Variants in MCHR2 observed in about 807,000 individuals in gnomAD.
The protein encoded by MCHR2 is melanin-concentrating hormone receptor 2.
A neutral mutation model predicts 24.8 loss-of-function variants in MCHR2; 15 were observed. That is an observed-to-expected ratio of 0.60 (90% CI 0.40 to 0.93). MCHR2 has a LOEUF of 0.93. MCHR2 is among the 40% of genes least tolerant of loss of function. The pLI is 0.00. For synonymous variants in MCHR2, 151 were observed against 147.6 expected (o/e 1.02, Z -0.17); for missense variants, 386 against 408.7 (o/e 0.94, Z 0.48).
intron 1 of MCHR2, among the ~76,000 whole-genome samples, chr6:99,974,460 C>T (rs13218192): frequency 0.16 from 24,289 of 152,146 alleles, 2,076 homozygotes; most frequent in African/African-American, 0.19. Context: ...ATCCATTTGC[C>T]TAATTTTTTT....
intron 1 of MCHR2, among the ~76,000 whole-genome samples, chr6:99,980,544 C>T (rs1775646467): frequency 1.9e-5 from 2 of 103,018 alleles, no homozygotes; most frequent in African/African-American, 3.8e-5. Context: ...CATGTGAAAG[C>T]ATATGTGTGT....
At chr6:99,923,090 T>C (rs1027010473) in intron 5 of MCHR2, among the ~76,000 whole-genome samples, 4 of 152,134 alleles carry the variant, frequency 2.6e-5, no homozygotes, top group Non-Finnish European at 4.4e-5. Flanking sequence ...ATAGTTTTCA[T>C]TATAGAGATC....
Position 99,921,057 on chromosome 6 carries a change from GTT to G in MCHR2, c.904_905del (p.Asn302ProfsTer24), listed in dbSNP as rs760259653. The G allele has an allele frequency of 3.1e-6, 5 of 1,614,054 alleles. No individual in the cohort carries two copies. The highest frequency in any genetic ancestry group is 4.2e-6 in the Non-Finnish European group (5 of 1,180,036). On this transcript the variant is annotated frameshift_variant, in exon 6 of 6. Transcript: ENST00000281806. LOFTEE classifies it low-confidence loss of function (END_TRUNC). Reference protein sequence around the residue: ...ICLSYASSSINPFLYILLSGN... With the variant: ...ICLSYASSSIXPFLYILLSGN... The stretch of plus-strand genomic sequence containing the variant: ...CACTCAGCAGGATGTAGAGAAAAGG[GTT>G]AATGCTGCTGCTGGCATAGCTGAGA...
intron 1 of MCHR2, among the ~76,000 whole-genome samples, chr6:99,988,213 G>T (rs895994320): frequency 6.6e-6 from 1 of 152,140 alleles, no homozygotes; most frequent in African/African-American, 2.4e-5. Context: ...GGGAAGACAG[G>T]GTGGTACTTT....
intron 5 of MCHR2, among the ~76,000 whole-genome samples, chr6:99,923,586 G>C (rs1335077380): frequency 6.6e-6 from 1 of 151,580 alleles, no homozygotes; most frequent in African/African-American, 2.4e-5. Flanking sequence ...GTTTTTTTAA[G>C]GTTTTTATCA....
intron 5 of MCHR2, 107 bp from the exon 6 acceptor site, chr6:99,921,362 T>C (rs1316819774): frequency 3.2e-6 from 3 of 923,658 alleles, no homozygotes; most frequent in African/African-American, 1.7e-5. Flanking sequence ...TGTAGTGAAA[T>C]ATGAAGCTCA....
intron 1 of MCHR2, among the ~76,000 whole-genome samples, chr6:99,970,546 G>C (rs1279651074): frequency 1.3e-5 from 2 of 152,098 alleles, no homozygotes; most frequent in Non-Finnish European, 2.9e-5. Flanking sequence ...CTTTTGCTGT[G>C]CAGAAGCTCT....
At chr6:99,938,366 T>C (rs755816675) in intron 4 of MCHR2, among the ~76,000 whole-genome samples, 1 of 152,098 alleles carries the variant, frequency 6.6e-6, no homozygotes, top group Non-Finnish European at 1.5e-5. Flanking sequence ...CTGCTTCTGC[T>C]ATATCCCATA....
intron 3 of MCHR2, among the ~76,000 whole-genome samples, chr6:99,946,033 T>C (rs1054124346): frequency 4.0e-5 from 6 of 151,436 alleles, no homozygotes; most frequent in Admixed American, 6.6e-5. Flanking sequence ...TTTTTTTTTT[T>C]CAAAAAAAGC....
chr6:99,966,132 T>A (rs986450396), intron 1 of MCHR2, among the ~76,000 whole-genome samples: 30 of 152,164 alleles, frequency 2.0e-4, no homozygotes, highest in African/African-American at 7.2e-4. Context: ...TTGAGGAAGA[T>A]GGGAGCTTCA....
intron 1 of MCHR2, among the ~76,000 whole-genome samples, chr6:99,991,192 C>T (rs1775867423): frequency 1.3e-5 from 2 of 151,984 alleles, no homozygotes; most frequent in Admixed American, 1.3e-4. Flanking sequence ...GGGCCCAGGA[C>T]CTCCACAGGA....
rs182956411 is a variant in MCHR2 at position 99,963,012 on chromosome 6, A to T, written c.-27-6838T>A. 2.3e-3 allele frequency among the ~76,000 whole-genome samples: 351 copies of T among 152,212 alleles called. 2 individuals are homozygous for T. Among genetic ancestry groups the T allele is most frequent in the African/African-American group, 8.2e-3 (340 of 41,584 alleles). The stretch of plus-strand genomic sequence containing the variant: ...ATATGAAAAGATGCTCAATGTCACT[A>T]ATCAGGGAAATGCAAATCAAAACCA... On this transcript the variant is annotated intron_variant, in intron 1 of 5. Transcript: ENST00000281806.
intron 5 of MCHR2, among the ~76,000 whole-genome samples, chr6:99,924,766 T>A (rs191340205): frequency 3.4e-4 from 51 of 152,228 alleles, no homozygotes; most frequent in South Asian, 1.5e-3. Context: ...AGAGAAGATG[T>A]TTGGTATTAT....
At chr6:99,928,414 A>G (rs916853467) in intron 5 of MCHR2, among the ~76,000 whole-genome samples, 10 of 152,160 alleles carry the variant, frequency 6.6e-5, no homozygotes, top group Admixed American at 3.3e-4. Flanking sequence ...AAGGAATGGT[A>G]CCAGTTCCTC....
At chr6:99,967,518 T>C (rs1447033023) in intron 1 of MCHR2, among the ~76,000 whole-genome samples, 2 of 152,182 alleles carry the variant, frequency 1.3e-5, no homozygotes, top group Non-Finnish European at 2.9e-5. Flanking sequence ...AAAATAATTA[T>C]CTTCAACTTA....
intron 1 of MCHR2, among the ~76,000 whole-genome samples, chr6:99,972,897 T>C (rs1228227778): frequency 6.6e-6 from 1 of 152,224 alleles, no homozygotes. Flanking sequence ...AATCTTGAGT[T>C]CTAGTTTGAT....
At chr6:99,944,363 G>C (rs1200963736) in intron 3 of MCHR2, among the ~76,000 whole-genome samples, 1 of 152,162 alleles carries the variant, frequency 6.6e-6, no homozygotes, top group African/African-American at 2.4e-5. Flanking sequence ...AGCTGGGGGT[G>C]GTGGAGGATA....
chr6:99,943,061 C>A lies in MCHR2; in HGVS notation c.475G>T (p.Ala159Ser), dbSNP rs777899290. 8 of 1,613,090 alleles carry A rather than the reference C, an allele frequency of 5.0e-6. No homozygotes were observed. The East Asian group carries it at 1.3e-4, about 27-fold the overall frequency. ...GGCAATGCCAGGATAAAGGAAGCTGCCCAAAGGCCCAAATTGATCCGGATG... is the reference window on the plus strand; with the variant it reads ...GGCAATGCCAGGATAAAGGAAGCTGACCAAAGGCCCAAATTGATCCGGATG... ...KTIRINLGLW[A>S]ASFILALPVW... The change falls in exon 4 of 6, where the codon GCA becomes TCA. Residue 159 changes from alanine to serine, a missense_variant. Ala to Ser is a moderately conservative substitution (Grantham distance 99). Transcript: ENST00000281806.
chr6:99,982,490 A>AAAAAAAAAC (rs1775689757), intron 1 of MCHR2, among the ~76,000 whole-genome samples: 1 of 149,470 alleles, frequency 6.7e-6, no homozygotes, highest in Non-Finnish European at 1.5e-5. Flanking sequence ...AAAAAAAAAA[A>AAAAAAAAAC]AAGCCAGGTG....
Sources: allele counts gnomAD v4.1 joint callset (sites outside exome capture counted in the v4.1 genomes callset), GRCh38; gene constraint gnomAD v4.1.1; transcripts MANE v1.5; gene names NCBI Gene and HGNC (gene_info 2026-07-23, HGNC 2026-07-21).